Variants in DNAJC15 observed in about 807,000 individuals in gnomAD.
DNAJC15 encodes the protein DnaJ heat shock protein family (Hsp40) member C15, also known as dnaJ homolog subfamily C member 15.
Under a neutral mutation model 22.4 loss-of-function variants are expected in DNAJC15, and 27 were observed. The ratio of observed to expected loss-of-function variants is 1.20; its 90% CI spans 0.89 to 1.66. The LOEUF is 1.66. Among genes scored for constraint, DNAJC15 ranks in the 40% most tolerant of loss-of-function variants. DNAJC15 has a pLI of 0.00. For missense variants in DNAJC15, 208 were observed against 187.1 expected (o/e 1.11, Z -0.65); for synonymous variants, 79 against 63.2 (o/e 1.25, Z -1.19).
Position 43,065,669 on chromosome 13 carries a change from C to A in DNAJC15, c.109-17C>A. 2 of 1,606,576 alleles carry A rather than the reference C, an allele frequency of 1.2e-6. No individual in the cohort carries two copies. Among genetic ancestry groups the A allele is most frequent in the Non-Finnish European group, 1.7e-6 (2 of 1,174,760 alleles). On this transcript the variant is annotated splice_polypyrimidine_tract_variant and intron_variant, in intron 1 of 5. Transcript: ENST00000379221. ...AGCATGTTACATCATAAGTAATATT[C>A]ATTTTTTCTTCCATAGGTAAGAAGT...
rs2040790654 is a variant in DNAJC15 at position 43,105,219 on chromosome 13, C to CTAGGCCTGCCTCACAGGCTCCCACTG, written c.383-1958_383-1957insAGGCCTGCCTCACAGGCTCCCACTGT. On this transcript the variant is annotated intron_variant, in intron 5 of 5. Coordinates refer to ENST00000379221, the MANE Select transcript of DNAJC15 (RefSeq NM_013238.3). Reference sequence around the variant, plus strand: ...GCTGCCTCACAGGCTGCCACTAGAACTGTGGGAGAAGCACAGTTGCTGCCA... The same window carrying CTAGGCCTGCCTCACAGGCTCCCACTG: ...GCTGCCTCACAGGCTGCCACTAGAACTAGGCCTGCCTCACAGGCTCCCACTGTGTGGGAGAAGCACAGTTGCTGCCA... 2.0e-5 allele frequency among the ~76,000 whole-genome samples: 3 copies of CTAGGCCTGCCTCACAGGCTCCCACTG among 152,078 alleles called. No individual in the cohort carries two copies. The South Asian group carries it at 6.2e-4, about 32-fold the overall frequency.
At chr13:43,044,339 G>T (rs2040466690) in intron 1 of DNAJC15, among the ~76,000 whole-genome samples, 2 of 152,156 alleles carry the variant, frequency 1.3e-5, no homozygotes, top group Non-Finnish European at 2.9e-5. Context: ...TAGTAGATGA[G>T]ACCTCTCCAT....
chr13:43,073,499 C>G (rs971205499), intron 3 of DNAJC15, among the ~76,000 whole-genome samples: 23 of 151,990 alleles, frequency 1.5e-4, no homozygotes, highest in Non-Finnish European at 1.2e-4. Context: ...TGACAGGTAC[C>G]TGGCCTCTTA....
intron 1 of DNAJC15, among the ~76,000 whole-genome samples, chr13:43,061,749 G>A (rs9533371): frequency 0.24 from 36,275 of 152,214 alleles, 4,790 homozygotes; most frequent in Non-Finnish European, 0.3. Context: ...GGCCCAAGCC[G>A]TTCATTAGGG....
At chr13:43,047,043 A>G (rs770901147) in intron 1 of DNAJC15, among the ~76,000 whole-genome samples, 4 of 152,164 alleles carry the variant, frequency 2.6e-5, no homozygotes, top group African/African-American at 7.2e-5. Flanking sequence ...ATTTCTTGGA[A>G]TCTGTGAGGC....
chr13:43,107,244 A>G lies in DNAJC15; in HGVS notation c.449A>G (p.His150Arg), dbSNP rs756760442. 3.8e-6 allele frequency: 6 copies of G among 1,588,760 alleles called. No individual in the cohort carries two copies. The highest frequency in any genetic ancestry group is 1.2e-5 in the South Asian group (1 of 86,642). Residue 150 changes from histidine (H) to arginine (R), a missense_variant, in exon 6 of 6, where the codon CAT becomes CGT. Coordinates refer to ENST00000379221, the MANE Select transcript of DNAJC15 (RefSeq NM_013238.3). ...GACTTGCTAGAAACAACCACCAAACATTGATGCTTAAGGACCACACTGAAG... is the reference window on the plus strand; with the variant it reads ...GACTTGCTAGAAACAACCACCAAACGTTGATGCTTAAGGACCACACTGAAG... ...AKDLLETTTK[H>R]
intron 1 of DNAJC15, among the ~76,000 whole-genome samples, chr13:43,049,544 T>G (rs1016269563): frequency 1.3e-5 from 2 of 152,230 alleles, no homozygotes; most frequent in Non-Finnish European, 2.9e-5. Flanking sequence ...ATTTACACAG[T>G]TATGCCAAGT....
chr13:43,036,321 C>T (rs1381375519), intron 1 of DNAJC15, among the ~76,000 whole-genome samples: 4 of 152,002 alleles, frequency 2.6e-5, no homozygotes, highest in Non-Finnish European at 4.4e-5. Flanking sequence ...CGCACCACCA[C>T]ACCCAGTGCA....
rs2040596025 is a variant in DNAJC15, at chr13:43,068,955, A to C, written c.186A>C (p.Lys62Asn). The C allele has an allele frequency of 9.3e-6, 15 of 1,612,702 alleles. No homozygotes were observed. The highest frequency in any genetic ancestry group is 1.3e-5 in the Non-Finnish European group (15 of 1,179,376). The stretch of plus-strand genomic sequence containing the variant: ...GTCGCTACGCATTTCGGATCTGGAA[A>C]CCTCTAGAACAAGTTATCACAGAAA... Reference protein sequence around the residue: ...FAGRYAFRIWKPLEQVITETA... With the variant: ...FAGRYAFRIWNPLEQVITETA... The change falls in exon 3 of 6, where the codon AAA becomes AAC. Residue 62 changes from lysine to asparagine, a missense_variant. Coordinates refer to ENST00000379221, the MANE Select transcript of DNAJC15 (RefSeq NM_013238.3).
chr13:43,040,656 C>G (rs552296554), intron 1 of DNAJC15, among the ~76,000 whole-genome samples: 1 of 151,950 alleles, frequency 6.6e-6, no homozygotes, highest in African/African-American at 2.4e-5. Flanking sequence ...AAAAGGGGGC[C>G]CAGGGGACCA....
chr13:43,082,081 C>T (rs2040664603), intron 4 of DNAJC15, among the ~76,000 whole-genome samples: 1 of 152,086 alleles, frequency 6.6e-6, no homozygotes, highest in African/African-American at 2.4e-5. Context: ...CGGTTCCCCT[C>T]CCATGACATG....
At chr13:43,073,765 TAC>T (rs899333684) in intron 3 of DNAJC15, among the ~76,000 whole-genome samples, 3 of 152,146 alleles carry the variant, frequency 2.0e-5, no homozygotes, top group African/African-American at 7.2e-5. Context: ...TTTTAAAATT[TAC>T]AGTGTCTTTA....
chr13:43,035,202 G>A (rs1316633883), intron 1 of DNAJC15, among the ~76,000 whole-genome samples: 2 of 152,126 alleles, frequency 1.3e-5, no homozygotes, highest in African/African-American at 4.8e-5. Context: ...TCAATATCTG[G>A]TGTTAGGGAC....
In DNAJC15 at chr13:43,112,523, A is replaced by G. The variant is rs1327230903; in HGVS notation, c.*5275A>G. 1 of 152,258 alleles carries G rather than the reference A, an allele frequency of 6.6e-6. No individual in the cohort carries two copies. Among genetic ancestry groups the G allele is most frequent in the Non-Finnish European group, 1.5e-5 (1 of 68,046 alleles). The allele number at this position is 152,258 out of a possible 1,614,324, so 9.4% of individuals were successfully genotyped here. A position where few individuals can be genotyped will look rare whatever the true frequency, so the allele number is the denominator to read the frequency against. On this transcript the variant is annotated 3_prime_UTR_variant, in exon 6 of 6. Coordinates refer to ENST00000379221, the MANE Select transcript of DNAJC15 (RefSeq NM_013238.3). ...AAAATCACATAGAGATATTGGTTCA[A>G]TATGGACATCTAAACTATAATGCTA...
intron 5 of DNAJC15, 72 bp downstream of exon 5, chr13:43,085,910 TATATG>T (rs2040685928): frequency 1.5e-6 from 2 of 1,347,558 alleles, no homozygotes; most frequent in African/African-American, 1.5e-5. Context: ...ATTAAAGTCA[TATATG>T]ATATATAGTT....
At chr13:43,093,191 C>A (rs1040423291) in intron 5 of DNAJC15, among the ~76,000 whole-genome samples, 1 of 150,106 alleles carries the variant, frequency 6.7e-6, no homozygotes, top group Non-Finnish European at 1.5e-5. Context: ...TCTTTTCCAT[C>A]TTCCCTCTGT....
At chr13:43,025,070 A>T in intron 1 of DNAJC15, among the ~76,000 whole-genome samples, 1 of 151,910 alleles carries the variant, frequency 6.6e-6, no homozygotes, top group Non-Finnish European at 1.5e-5. Flanking sequence ...CAACAAAGAA[A>T]AAAAAATGAG....
At chr13:43,077,874 C>T (rs942403609) in intron 3 of DNAJC15, among the ~76,000 whole-genome samples, 16 of 152,190 alleles carry the variant, frequency 1.1e-4, no homozygotes, top group Admixed American at 7.2e-4. Context: ...CCTCTGCTAC[C>T]GCCTTAGTTC....
chr13:43,034,305 C>CTTTTTTTT lies in DNAJC15; in HGVS notation c.108+10592_108+10599dup, dbSNP rs753362468. On this transcript the variant is annotated intron_variant, in intron 1 of 5. Transcript: ENST00000379221. ...AATTCTTCTGTATGGGAGATTTGTC[C>CTTTTTTTT]TTTTTTTTTTTTTTTTTTTTTTTTT... 4.9e-5 allele frequency among the ~76,000 whole-genome samples: 3 copies of CTTTTTTTT among 60,618 alleles called. 1 individual carries two copies. Among genetic ancestry groups the CTTTTTTTT allele is most frequent in the African/African-American group, 7.5e-5 (1 of 13,302 alleles). 39.8% of individuals were successfully genotyped at this position (60,618 alleles called of 152,430 possible).
Sources: gnomAD v4.1 joint callset for allele counts (sites outside exome capture counted in the v4.1 genomes callset) on GRCh38, gnomAD v4.1.1 for gene constraint, MANE v1.5 for transcripts, NCBI Gene and HGNC (gene_info 2026-07-23, HGNC 2026-07-21) for gene names.